Variants in TBC1D20 observed in about 807,000 individuals in gnomAD.
TBC1D20 encodes the protein TBC1 domain family member 20.
In TBC1D20, 12 loss-of-function variants were observed where a neutral mutation model predicts 41.6. That is an observed-to-expected ratio of 0.29 (90% confidence interval 0.18 to 0.47). The LOEUF is 0.47. Ranked by LOEUF, TBC1D20 falls within the 20% of genes least tolerant of loss-of-function variation. The probability of loss-of-function intolerance (pLI) is 1.00; values close to 1 mark genes in which losing one functional copy is unlikely to be tolerated. For missense variants in TBC1D20, 421 were observed against 517.4 expected, an observed-to-expected ratio of 0.81 and a Z score of 1.81; for synonymous variants, 205 against 204.8, an observed-to-expected ratio of 1.00 and a Z score of -0.01.
At chr20:451,554 A>AAAAT (rs761242703) in intron 1 of TBC1D20, among the ~76,000 whole-genome samples, 58 of 152,274 alleles carry the variant, frequency 3.8e-4, no homozygotes, top group African/African-American at 1.3e-3. Context: ...TCTCAAAAGA[A>AAAAT]AAATAAATAA....
chr20:447,693 C>A (rs968791307), intron 2 of TBC1D20, among the ~76,000 whole-genome samples, 196 bp downstream of exon 2: 9 of 152,060 alleles, frequency 5.9e-5, no homozygotes, highest in Non-Finnish European at 4.4e-5. Context: ...AAAAAAAGAA[C>A]TCATTCCACT....
intron 1 of TBC1D20, among the ~76,000 whole-genome samples, chr20:457,622 G>C (rs1438246415): frequency 6.6e-6 from 1 of 152,206 alleles, no homozygotes; most frequent in Non-Finnish European, 1.5e-5. Flanking sequence ...TCACATGAAA[G>C]AAACACCATG....
Position 441,605 on chromosome 20 carries a change from G to A in TBC1D20, c.609C>T (p.Leu203=), listed in dbSNP as rs761106229. Residue 203 remains leucine (L), a synonymous_variant, in exon 5 of 8, where the codon CTC becomes CTT. Coordinates refer to ENST00000354200, the MANE Select transcript of TBC1D20 (RefSeq NM_144628.4). ...ATATGTACCTCTGCATGAAGTCATG[G>A]AGCTCTGGATTCACCTGGTCAATGA... ...MPIIDQVNPE[L]HDFMQSAEVG... The A allele has an allele frequency of 1.9e-6, 3 of 1,613,986 alleles. No homozygotes were observed. In the East Asian group the frequency reaches 6.7e-5, roughly 36 times the overall value.
chr20:444,170 C>T (rs1258887547), intron 3 of TBC1D20, among the ~76,000 whole-genome samples: 1 of 151,828 alleles, frequency 6.6e-6, no homozygotes, highest in Non-Finnish European at 1.5e-5. Flanking sequence ...CCTATATGAT[C>T]TCATCCAAAC....
chr20:449,246 G>A (rs1317349680), intron 1 of TBC1D20, among the ~76,000 whole-genome samples: 3 of 105,968 alleles, frequency 2.8e-5, no homozygotes, highest in Admixed American at 1.2e-4. Context: ...TCTGCCTCCC[G>A]GGTTCAAGTG....
rs776779608 is a variant in TBC1D20 at position 448,061 on chromosome 20, T to C, written c.84A>G (p.Lys28=). 1 of 1,612,492 alleles carries C rather than the reference T, an allele frequency of 6.2e-7. No homozygotes were observed. The highest frequency in any genetic ancestry group is 8.5e-7 in the Non-Finnish European group (1 of 1,178,656). ...GGAEKADFNA[K]RKKKVAEIHQ... is the part of the protein sequence containing the mutation. ...GTATCTCTGCCACTTTCTTTTTCCT[T>C]TTGGCGTTAAAGTCTGAAGATAAGG... Residue 28 remains lysine (K), a synonymous_variant, in exon 2 of 8, where the codon AAA becomes AAG. Coordinates refer to ENST00000354200, the MANE Select transcript of TBC1D20 (RefSeq NM_144628.4).
Position 449,465 on chromosome 20 carries a change from T to TGC in TBC1D20, c.71-1393_71-1392dup, listed in dbSNP as rs1600336913. 4.0e-5 allele frequency among the ~76,000 whole-genome samples: 6 copies of TGC among 148,684 alleles called. No homozygotes were observed. In the East Asian group the frequency reaches 1.2e-3, roughly 30 times the overall value. On this transcript the variant is annotated intron_variant, in intron 1 of 7. Transcript: ENST00000354200. ...CAAAAATTAGCCAGGCGTGGTGGCATGCACCTGTAATCCCAGCTACTCGGG... is the reference window on the plus strand; with the variant it reads ...CAAAAATTAGCCAGGCGTGGTGGCATGCGCACCTGTAATCCCAGCTACTCGGG...
intron 1 of TBC1D20, among the ~76,000 whole-genome samples, chr20:454,436 T>C (rs373151138): frequency 1.5e-4 from 23 of 151,924 alleles, no homozygotes; most frequent in African/African-American, 5.1e-4. Flanking sequence ...TGACAGTAAA[T>C]AGACTAATTA....
intron 1 of TBC1D20, among the ~76,000 whole-genome samples, chr20:454,873 A>C (rs1375883144): frequency 2.6e-5 from 4 of 151,992 alleles, no homozygotes; most frequent in African/African-American, 9.7e-5. Flanking sequence ...ACAGGGTTTC[A>C]CCATGCCAGG....
At chr20:442,701 A>T (rs753502717) in intron 3 of TBC1D20, among the ~76,000 whole-genome samples, 38 of 152,224 alleles carry the variant, frequency 2.5e-4, no homozygotes, top group Non-Finnish European at 4.4e-4. Context: ...GTCCTGAAAC[A>T]CTTGGGGTAA....
intron 1 of TBC1D20, among the ~76,000 whole-genome samples, chr20:452,184 G>A (rs560733384): frequency 2.2e-4 from 34 of 152,308 alleles, no homozygotes; most frequent in African/African-American, 7.7e-4. Context: ...GCGCACGCCT[G>A]TAATCCCAGC....
chr20:444,999 T>C (rs1219289590), intron 3 of TBC1D20, 51 bp downstream of exon 3: 2 of 1,521,692 alleles, frequency 1.3e-6, no homozygotes, highest in Non-Finnish European at 9.0e-7. Context: ...TGGTATGACC[T>C]GGAACAGATA....
At chr20:446,422 C>T (rs539092439) in intron 2 of TBC1D20, among the ~76,000 whole-genome samples, 12 of 152,144 alleles carry the variant, frequency 7.9e-5, no homozygotes, top group African/African-American at 2.9e-4. Context: ...CTCATTGCAA[C>T]TTCCGCCTCC....
intron 1 of TBC1D20, 39 bp downstream of exon 1, chr20:462,297 C>G: frequency 8.0e-7 from 1 of 1,256,166 alleles, no homozygotes. Context: ...CCGGGCCGCC[C>G]TCGCAGGCCG....
Position 435,689 on chromosome 20 carries a change from G to C in TBC1D20, c.*2897C>G, listed in dbSNP as rs998471692. 1.3e-5 allele frequency: 2 copies of C among 153,114 alleles called. No homozygotes were observed. Among genetic ancestry groups the C allele is most frequent in the Admixed American group, 6.5e-5 (1 of 15,278 alleles). The allele number at this position is 153,114 out of a possible 1,614,324, so 9.5% of individuals were successfully genotyped here. On this transcript the variant is annotated 3_prime_UTR_variant, in exon 8 of 8. Coordinates refer to ENST00000354200, the MANE Select transcript of TBC1D20 (RefSeq NM_144628.4). The stretch of plus-strand genomic sequence containing the variant: ...CATGTTCAGCTCTTCAGAAGCTCCC[G>C]TGTTCCTGGGCCTTTTATGGAGACG...
rs1371782028 is a variant in TBC1D20 at position 439,175 on chromosome 20, C to T, written c.889G>A (p.Asp297Asn). 2 of 1,614,204 alleles carry T rather than the reference C, an allele frequency of 1.2e-6. No homozygotes were observed. Among genetic ancestry groups the T allele is most frequent in the Non-Finnish European group, 8.5e-7 (1 of 1,180,038 alleles). ...PYETLISRAG[D>N]LFVQFPPSEL... is the part of the protein sequence containing the mutation. Reference sequence around the variant, plus strand: ...GATGGGGGAAACTGAACAAAAAGGTCTCCTGCTCTGCTGATCAGTGTCTCA... The same window carrying T: ...GATGGGGGAAACTGAACAAAAAGGTTTCCTGCTCTGCTGATCAGTGTCTCA... The change falls in exon 7 of 8, where the codon GAC becomes AAC. Residue 297 changes from aspartate (D) to asparagine (N), a missense_variant. Around this residue, in one of 3 missense-constraint regions of TBC1D20, gnomAD observed 161 missense variants for 182.7 expected, o/e 0.88. Transcript: ENST00000354200. The surrounding 1 kb of genome is among the most constrained non-coding windows in gnomAD (Gnocchi z 4.6).
chr20:456,933 ATTTTTT>A (rs11471255), intron 1 of TBC1D20, among the ~76,000 whole-genome samples: 119 of 128,198 alleles, frequency 9.3e-4, no homozygotes, highest in African/African-American at 3.4e-3. Context: ...CCTTCTTTTA[ATTTTTT>A]TTTTTTTTTT....
At chr20:449,467 C>T (rs1252808651) in intron 1 of TBC1D20, among the ~76,000 whole-genome samples, 1 of 146,578 alleles carries the variant, frequency 6.8e-6, no homozygotes, top group Non-Finnish European at 1.5e-5. Context: ...TGGTGGCATG[C>T]ACCTGTAATC....
chr20:462,510 C>A lies in TBC1D20; in HGVS notation c.-105G>T, dbSNP rs762510362. 1.8e-5 allele frequency: 11 copies of A among 623,474 alleles called. No homozygotes were observed. In the South Asian group the frequency reaches 5.8e-4, roughly 33 times the overall value. 38.6% of individuals were successfully genotyped at this position (623,474 alleles called of 1,614,324 possible). On this transcript the variant is annotated 5_prime_UTR_variant, in exon 1 of 8. Transcript: ENST00000354200. ...AGCACCCGCTCGGCATCGGCAGGCT[C>A]CCCTCCGTCGGCCAGCGGCGCGCAG...
Sources: gnomAD v4.1 joint callset for allele counts (sites outside exome capture counted in the v4.1 genomes callset) on GRCh38, gnomAD v4.1.1 for gene constraint, gnomAD v4.1.1 regional missense constraint, Gnocchi (gnomAD v3.1) non-coding constraint, MANE v1.5 for transcripts, NCBI Gene and HGNC (gene_info 2026-07-23, HGNC 2026-07-21) for gene names.